The following PGAP4 variants were observed in gnomAD, a reference collection of about 807,000 sequenced individuals.
PGAP4 encodes the protein post-GPI attachment to proteins GalNAc transferase 4, also known as GPI-N-acetylgalactosamine transferase PGAP4.
PGAP4 carries 12 observed loss-of-function variants against 28.2 expected under a neutral mutation model. The observed-to-expected ratio is 0.42, with a 90% CI of 0.27 to 0.69. The LOEUF is 0.69. Ranked by LOEUF, PGAP4 falls within the 30% of genes least tolerant of loss-of-function variation. The pLI is 0.22. For missense variants in PGAP4, 425 were observed against 513.5 expected (o/e 0.83, Z 1.67); for synonymous variants, 205 against 211.8 (o/e 0.97, Z 0.28).
At chr9:101,519,133 T>G (rs1331426047) in intron 2 of PGAP4, among the ~76,000 whole-genome samples, 1 of 151,478 alleles carries the variant, frequency 6.6e-6, no homozygotes, top group Non-Finnish European at 1.5e-5. Flanking sequence ...TGCCTATTCA[T>G]GTCCTTGGCC....
chr9:101,524,015 T>C (rs1370801955), intron 2 of PGAP4, among the ~76,000 whole-genome samples: 1 of 151,942 alleles, frequency 6.6e-6, no homozygotes, highest in Non-Finnish European at 1.5e-5. Context: ...CTTCTGGGTC[T>C]AGGCACCCAG....
chr9:101,484,751 G>A (rs998323229), intron 1 of PGAP4, among the ~76,000 whole-genome samples: 3 of 152,202 alleles, frequency 2.0e-5, no homozygotes, highest in Admixed American at 6.5e-5. Context: ...TGTGTCTGTT[G>A]TTTAAGCCAC....
At chr9:101,529,027 T>C (rs1827061187) in intron 2 of PGAP4, among the ~76,000 whole-genome samples, 1 of 152,090 alleles carries the variant, frequency 6.6e-6, no homozygotes, top group South Asian at 2.1e-4. Flanking sequence ...CTCCTACTTA[T>C]AAGTGAGTAC....
chr9:101,483,199 T>C lies in PGAP4; in HGVS notation c.-78+3750A>G, dbSNP rs532911149. On this transcript the variant is annotated intron_variant, in intron 1 of 1. Coordinates refer to ENST00000374848, the MANE Select transcript of PGAP4 (RefSeq NM_032342.3). Reference sequence around the variant, plus strand: ...AGAACTATGCATAGAAGATGCTCAATGCTTGTTAAGCAAATAATTGGCTTC... The same window carrying C: ...AGAACTATGCATAGAAGATGCTCAACGCTTGTTAAGCAAATAATTGGCTTC... 7.2e-4 allele frequency among the ~76,000 whole-genome samples: 110 copies of C among 152,328 alleles called. No homozygotes were observed. In the South Asian group the frequency reaches 0.018, roughly 25 times the overall value.
chr9:101,498,191 C>G (rs189694567), intron 2 of PGAP4, among the ~76,000 whole-genome samples: 1 of 151,874 alleles, frequency 6.6e-6, no homozygotes, highest in East Asian at 1.9e-4. Context: ...TGAGGACTAG[C>G]TGAATTGTAT....
At position 101,477,081 on chromosome 9, in the gene PGAP4, T is replaced by G; in HGVS notation, c.12A>C (p.Ser4=). Reference sequence around the variant, plus strand: ...GGAGGAGCATGGCAGCTGGAGAGGTTGAAGTGCTCATGAGGTCAACTTTTG... The same window carrying G: ...GGAGGAGCATGGCAGCTGGAGAGGTGGAAGTGCTCATGAGGTCAACTTTTG... MST[S]TSPAAMLLRR... is the part of the protein sequence containing the mutation. The change falls in exon 2 of 2, where the codon TCA becomes TCC. Residue 4 remains serine, a synonymous_variant. Coordinates refer to ENST00000374848, the MANE Select transcript of PGAP4 (RefSeq NM_032342.3). 5 of 1,585,500 alleles carry G rather than the reference T, an allele frequency of 3.2e-6. No individual in the cohort carries two copies. Among genetic ancestry groups the G allele is most frequent in the Non-Finnish European group, 4.3e-6 (5 of 1,167,760 alleles).
intron 2 of PGAP4, among the ~76,000 whole-genome samples, chr9:101,498,907 T>G (rs1826774569): frequency 6.6e-6 from 1 of 152,002 alleles, no homozygotes; most frequent in South Asian, 2.1e-4. Context: ...CAGAAGATTT[T>G]CAGAAATAAT....
chr9:101,485,248 G>A (rs909814327), intron 1 of PGAP4, among the ~76,000 whole-genome samples: 1 of 151,990 alleles, frequency 6.6e-6, no homozygotes, highest in African/African-American at 2.4e-5. Flanking sequence ...TCATTACCCA[G>A]GATGATAATT....
Position 101,486,327 on chromosome 9 carries a change from C to T in PGAP4, c.-78+622G>A, listed in dbSNP as rs147916929. Among the ~76,000 whole-genome samples, 1 of 152,214 alleles carries T rather than the reference C, an allele frequency of 6.6e-6. No homozygotes were observed. The highest frequency in any genetic ancestry group is 1.5e-5 in the Non-Finnish European group (1 of 68,038). ...GCCGAGCTGACCGTCTCCATCGCTG[C>T]GCTCCTTCCCTTCTGCTGGTTTTTC... On this transcript the variant is annotated intron_variant, in intron 1 of 1. Transcript: ENST00000374848. This position sits in a 1 kb window ranked among gnomAD's most constrained non-coding sequence, Gnocchi z 4.7.
At chr9:101,483,424 GAA>G (rs1826540646) in intron 1 of PGAP4, among the ~76,000 whole-genome samples, 1 of 152,092 alleles carries the variant, frequency 6.6e-6, no homozygotes, top group Admixed American at 6.5e-5. Context: ...TTATACTTTA[GAA>G]AACTAAGTTT....
chr9:101,513,218 C>T (rs542564962), intron 2 of PGAP4, among the ~76,000 whole-genome samples: 1 of 152,210 alleles, frequency 6.6e-6, no homozygotes, highest in Non-Finnish European at 1.5e-5. Context: ...TCATTGTCCG[C>T]AATGAAGTAT....
chr9:101,524,071 G>C (rs1291960827), intron 2 of PGAP4, among the ~76,000 whole-genome samples: 1 of 152,010 alleles, frequency 6.6e-6, no homozygotes, highest in East Asian at 1.9e-4. Context: ...GTCTGCACAA[G>C]AGTGCTGTGA....
chr9:101,477,249 A>G, intron 1 of PGAP4, 80 bp from the exon 2 acceptor site: 1 of 1,153,824 alleles, frequency 8.7e-7, no homozygotes, highest in South Asian at 1.9e-5. Context: ...CAAAAGGACA[A>G]GAACTGAGCT....
intron 2 of PGAP4, chr9:101,531,284 G>A (rs1346603314): frequency 6.6e-6 from 1 of 152,186 alleles, no homozygotes; most frequent in African/African-American, 2.4e-5. Context: ...CTGTGAAGGT[G>A]TTAGATAACT....
intron 2 of PGAP4, among the ~76,000 whole-genome samples, chr9:101,524,464 T>C (rs1476295448): frequency 1.3e-5 from 2 of 152,302 alleles, no homozygotes; most frequent in Middle Eastern, 6.8e-3. Context: ...CACACCAGAT[T>C]TGCCCTGCCC....
At chr9:101,514,790 AG>A (rs1464394204) in intron 2 of PGAP4, among the ~76,000 whole-genome samples, 3 of 152,134 alleles carry the variant, frequency 2.0e-5, no homozygotes, top group Non-Finnish European at 2.9e-5. Context: ...CACTGATCAG[AG>A]CCAAAAATGG....
At chr9:101,494,500 A>T (rs1826719204) in intron 2 of PGAP4, among the ~76,000 whole-genome samples, 1 of 151,888 alleles carries the variant, frequency 6.6e-6, no homozygotes, top group Non-Finnish European at 1.5e-5. Context: ...TCATAAGAAC[A>T]TTATTCGTAT....
At chr9:101,525,025 C>T (rs1380012387) in intron 2 of PGAP4, among the ~76,000 whole-genome samples, 1 of 152,206 alleles carries the variant, frequency 6.6e-6, no homozygotes, top group Admixed American at 6.5e-5. Context: ...TTCATGAGCA[C>T]TTGGGTTGAT....
chr9:101,494,898 T>C (rs527889734), intron 2 of PGAP4, among the ~76,000 whole-genome samples: 9 of 150,972 alleles, frequency 6.0e-5, no homozygotes, highest in African/African-American at 9.7e-5. Flanking sequence ...ATAAATTTTA[T>C]ATATTTTTTC....
Sources: gnomAD v4.1 joint callset for allele counts (sites outside exome capture counted in the v4.1 genomes callset) on GRCh38, gnomAD v4.1.1 for gene constraint, Gnocchi (gnomAD v3.1) non-coding constraint, MANE v1.5 for transcripts, NCBI Gene and HGNC (gene_info 2026-07-23, HGNC 2026-07-21) for gene names.